Variants in KAT6B observed in about 807,000 individuals in gnomAD.
KAT6B encodes the protein histone acetyltransferase KAT6B.
Under a neutral mutation model 187.5 loss-of-function variants are expected in KAT6B, and 10 were observed. The ratio of observed to expected loss-of-function variants is 0.05; its 90% confidence interval spans 0.03 to 0.09. The LOEUF is 0.09. Ranked by LOEUF, KAT6B falls within the 10% of genes least tolerant of loss-of-function variation. The pLI, the probability that KAT6B is intolerant of heterozygous loss-of-function variation, is 1.00. For synonymous variants in KAT6B, 861 were observed against 926.8 expected (o/e 0.93, Z 1.29); for missense variants, 1,952 against 2,558.9 (o/e 0.76, Z 5.12).
chr10:74,839,975 A>G (rs1841609114), intron 2 of KAT6B, among the ~76,000 whole-genome samples: 3 of 152,230 alleles, frequency 2.0e-5, no homozygotes, highest in African/African-American at 2.4e-5. Context: ...ATTCAAAACA[A>G]TCTTTAGCAG....
chr10:74,867,711 T>C lies in KAT6B; in HGVS notation c.621+24233T>C, dbSNP rs149771853. On this transcript the variant is annotated intron_variant, in intron 3 of 17. Transcript: ENST00000287239. ...GGGTGAATGTATGCTGATTATCTTA[T>C]TGAATTAAGGTAACCTTTTGTCATT... Among the ~76,000 whole-genome samples, 136 of 152,352 alleles carry C rather than the reference T, an allele frequency of 8.9e-4. 1 individual carries two copies. The East Asian group carries it at 0.02, about 23-fold the overall frequency.
At chr10:74,825,063 C>T (rs1431763912), upstream of KAT6B, among the ~76,000 whole-genome samples, 1 of 152,242 alleles carries the variant, frequency 6.6e-6, no homozygotes, top group African/African-American at 2.4e-5. This position sits in a 1 kb window ranked among gnomAD's most constrained non-coding sequence, Gnocchi z 5.0. Context: ...GCCCTGTCCG[C>T]AGTCGCTGAA....
intron 8 of KAT6B, 54 bp from the exon 9 acceptor site, chr10:74,977,262 G>A (rs905911253): frequency 9.4e-6 from 15 of 1,598,496 alleles, no homozygotes; most frequent in African/African-American, 1.3e-5. Context: ...AATATATGGT[G>A]GTTACTCATG....
intron 3 of KAT6B, among the ~76,000 whole-genome samples, chr10:74,946,048 C>T (rs935728258): frequency 2.0e-5 from 3 of 152,134 alleles, no homozygotes; most frequent in South Asian, 2.1e-4. Context: ...AATAATTCAC[C>T]GCTAAAGTCA....
rs1227340646 is a variant in KAT6B, at chr10:74,970,006, A to G, written c.847-14A>G. On this transcript the variant is annotated splice_polypyrimidine_tract_variant and intron_variant, in intron 5 of 17. Transcript: ENST00000287239. Reference sequence around the variant, plus strand: ...GTTTCAGTCTCAATTAGTCTCTAATATGTTATATTACAGGATAATATGCTT... The same window carrying G: ...GTTTCAGTCTCAATTAGTCTCTAATGTGTTATATTACAGGATAATATGCTT... 1 of 1,580,066 alleles carries G rather than the reference A, an allele frequency of 6.3e-7. No homozygotes were observed. The highest frequency in any genetic ancestry group is 8.7e-7 in the Non-Finnish European group (1 of 1,149,348).
At chr10:74,950,213 A>G (rs996114326) in intron 3 of KAT6B, among the ~76,000 whole-genome samples, 2 of 152,196 alleles carry the variant, frequency 1.3e-5, no homozygotes, top group African/African-American at 4.8e-5. Flanking sequence ...CTTATGTCCA[A>G]TTCATGATGA....
At chr10:74,999,657 A>G (rs1843693228) in intron 13 of KAT6B, among the ~76,000 whole-genome samples, 1 of 152,204 alleles carries the variant, frequency 6.6e-6, no homozygotes, top group Admixed American at 6.5e-5. Flanking sequence ...GCTATGTGTC[A>G]GGCACTGTTA....
intron 13 of KAT6B, among the ~76,000 whole-genome samples, chr10:74,990,325 T>C (rs1270440067): frequency 1.3e-5 from 2 of 151,580 alleles, no homozygotes; most frequent in Admixed American, 1.3e-4. Flanking sequence ...TGCACAATCT[T>C]CATCAGCTAC....
chr10:75,023,649 A>G (rs1483745175), intron 16 of KAT6B: 1 of 152,220 alleles, frequency 6.6e-6, no homozygotes, highest in African/African-American at 2.4e-5. Flanking sequence ...ATTACAGAAT[A>G]TGATTAACTG....
chr10:74,975,062 C>T (rs1034918046), intron 7 of KAT6B, among the ~76,000 whole-genome samples: 3 of 152,234 alleles, frequency 2.0e-5, no homozygotes, highest in African/African-American at 7.2e-5. Flanking sequence ...ATCATAACTA[C>T]TTGTGACAAC....
chr10:74,896,438 C>T (rs148059310), intron 3 of KAT6B, among the ~76,000 whole-genome samples: 141 of 152,176 alleles, frequency 9.3e-4, no homozygotes, highest in African/African-American at 3.2e-3. Flanking sequence ...CTACAGGACA[C>T]GCCACCACGC....
At chr10:74,990,965 G>A (rs1217170196) in intron 13 of KAT6B, among the ~76,000 whole-genome samples, 6 of 151,388 alleles carry the variant, frequency 4.0e-5, no homozygotes, top group South Asian at 4.2e-4. Flanking sequence ...CTATTTTTTT[G>A]TCTATTCAGT....
intron 3 of KAT6B, among the ~76,000 whole-genome samples, chr10:74,902,065 G>A (rs974194114): frequency 5.3e-5 from 8 of 151,976 alleles, no homozygotes; most frequent in East Asian, 1.9e-4. Flanking sequence ...TGTCTTGGGC[G>A]TCCTCTGCAC....
intron 3 of KAT6B, among the ~76,000 whole-genome samples, chr10:74,957,057 C>T (rs546213532): frequency 1.3e-5 from 2 of 152,168 alleles, no homozygotes; most frequent in African/African-American, 4.8e-5. Context: ...TTTACTCAGA[C>T]CTTTTTCTGA....
intron 13 of KAT6B, among the ~76,000 whole-genome samples, chr10:75,010,877 G>C (rs368991986): frequency 6.6e-6 from 1 of 152,206 alleles, no homozygotes; most frequent in African/African-American, 2.4e-5. Context: ...ATGTTCAATC[G>C]CAGTGTTTTC....
At chr10:74,967,981 A>G (rs1425546363) in intron 4 of KAT6B, among the ~76,000 whole-genome samples, 1 of 152,184 alleles carries the variant, frequency 6.6e-6, no homozygotes, top group Non-Finnish European at 1.5e-5. Context: ...AGTAATAAAA[A>G]AGAGGGGGGA....
intron 3 of KAT6B, among the ~76,000 whole-genome samples, chr10:74,870,940 C>A (rs1267801068): frequency 6.8e-6 from 1 of 146,928 alleles, no homozygotes. Flanking sequence ...TGCTATGGCA[C>A]GATCTCGGCT....
chr10:74,860,078 T>C (rs1336625599), intron 3 of KAT6B, among the ~76,000 whole-genome samples: 2 of 152,194 alleles, frequency 1.3e-5, no homozygotes, highest in African/African-American at 2.4e-5. Context: ...TATTATACTT[T>C]AAGTTCTAGG....
chr10:74,950,273 GA>G (rs1840228854), intron 3 of KAT6B, among the ~76,000 whole-genome samples: 1 of 152,160 alleles, frequency 6.6e-6, no homozygotes, highest in Non-Finnish European at 1.5e-5. Context: ...GGAGTATAGA[GA>G]AAATGGCGAT....
Sources: allele counts gnomAD v4.1 joint callset (sites outside exome capture counted in the v4.1 genomes callset), GRCh38; gene constraint gnomAD v4.1.1; non-coding constraint Gnocchi (gnomAD v3.1); transcripts MANE v1.5; gene names NCBI Gene and HGNC (gene_info 2026-07-23, HGNC 2026-07-21).